Variants in NTN1 observed in about 807,000 individuals in gnomAD.
NTN1 encodes netrin-1.
NTN1 carries 11 observed loss-of-function variants against 54.2 expected under a neutral mutation model. That is an observed-to-expected ratio of 0.20 (90% CI 0.13 to 0.34). The LOEUF is 0.34. Among genes scored for constraint, NTN1 ranks in the 10% least tolerant of loss-of-function variants. The pLI, the probability that NTN1 is intolerant of heterozygous loss-of-function variation, is 1.00. For missense variants in NTN1, 740 were observed against 893.1 expected (o/e 0.83, Z 2.18); for synonymous variants, 371 against 382.0 (o/e 0.97, Z 0.33).
At chr17:9,229,318 A>G (rs1186219167) in intron 6 of NTN1, among the ~76,000 whole-genome samples, 5 of 152,146 alleles carry the variant, frequency 3.3e-5, no homozygotes, top group Non-Finnish European at 7.4e-5. Context: ...CCAGCCAACA[A>G]CTATTCCCTC....
In NTN1 at chr17:9,179,799, C is replaced by A. The variant is rs770735237; in HGVS notation, c.1208-8C>A. On this transcript the variant is annotated splice_polypyrimidine_tract_variant and splice_region_variant and intron_variant, in intron 3 of 6. Coordinates refer to ENST00000173229, the MANE Select transcript of NTN1 (RefSeq NM_004822.3). ...TTGTCTGACCCTCCCATTTTGTGTT[C>A]TCTGCAGCCTGTGATTGCCACCCTG... 7 of 1,612,728 alleles carry A rather than the reference C, an allele frequency of 4.3e-6. No homozygotes were observed. Among genetic ancestry groups the A allele is most frequent in the Non-Finnish European group, 2.5e-6 (3 of 1,179,340 alleles).
intron 6 of NTN1, among the ~76,000 whole-genome samples, chr17:9,236,419 A>C (rs1276007328): frequency 6.6e-6 from 1 of 152,188 alleles, no homozygotes; most frequent in Non-Finnish European, 1.5e-5. Flanking sequence ...GTTTGAGGTC[A>C]CTGTTGCAAT....
At chr17:9,208,093 G>A (rs1191082512) in intron 5 of NTN1, among the ~76,000 whole-genome samples, 4 of 152,162 alleles carry the variant, frequency 2.6e-5, no homozygotes, top group African/African-American at 9.6e-5. Context: ...TTAGCCAGGC[G>A]TAGTGGTGTG....
At chr17:9,167,338 C>T (rs571359343) in intron 3 of NTN1, among the ~76,000 whole-genome samples, 5 of 152,230 alleles carry the variant, frequency 3.3e-5, no homozygotes, top group South Asian at 4.1e-4. Context: ...CGACCAAAGA[C>T]GACGTTGCTA....
intron 5 of NTN1, among the ~76,000 whole-genome samples, chr17:9,205,724 A>G (rs1232334259): frequency 6.6e-6 from 1 of 152,222 alleles, no homozygotes; most frequent in African/African-American, 2.4e-5. Flanking sequence ...GTATGGAAAG[A>G]GACCCCTCTG....
chr17:9,193,748 C>A (rs1240028888), intron 5 of NTN1, among the ~76,000 whole-genome samples: 2 of 150,934 alleles, frequency 1.3e-5, no homozygotes, highest in African/African-American at 4.9e-5. Context: ...CATGGAGAAA[C>A]CCCGTCTCTA....
intron 6 of NTN1, among the ~76,000 whole-genome samples, chr17:9,227,105 C>T (rs1238082001): frequency 1.3e-5 from 2 of 150,792 alleles, no homozygotes; most frequent in Non-Finnish European, 2.9e-5. Flanking sequence ...TCCATCCTCA[C>T]CTCCTCCTGT....
intron 6 of NTN1, among the ~76,000 whole-genome samples, chr17:9,224,926 C>A (rs986953966): frequency 6.6e-6 from 1 of 152,186 alleles, no homozygotes; most frequent in Admixed American, 6.5e-5. Context: ...CTGACACTCT[C>A]CCTGTGATTC....
chr17:9,201,042 A>G (rs777753672), intron 5 of NTN1, among the ~76,000 whole-genome samples: 9 of 152,164 alleles, frequency 5.9e-5, no homozygotes, highest in Non-Finnish European at 1.2e-4. Context: ...GGCAGATAAT[A>G]GAGGACGATA....
At position 9,193,100 on chromosome 17, in the gene NTN1, A is replaced by G. The variant is rs199917594; in HGVS notation, c.1411+10131A>G. On this transcript the variant is annotated intron_variant, in intron 5 of 6. Coordinates refer to ENST00000173229, the MANE Select transcript of NTN1 (RefSeq NM_004822.3). Reference sequence around the variant, plus strand: ...GTCTCAAAAAAAAAAAAAAAAGAAAAAGAAAAAAAAGCCGTTTCCTCAAGT... The same window carrying G: ...GTCTCAAAAAAAAAAAAAAAAGAAAGAGAAAAAAAAGCCGTTTCCTCAAGT... 1.9e-4 allele frequency among the ~76,000 whole-genome samples: 19 copies of G among 98,676 alleles called. No homozygotes were observed. The East Asian group carries it at 2.2e-3, about 12-fold the overall frequency. 64.7% of individuals were successfully genotyped at this position (98,676 alleles called of 152,430 possible).
intron 2 of NTN1, among the ~76,000 whole-genome samples, chr17:9,149,593 T>C (rs2092322001): frequency 6.6e-6 from 1 of 152,142 alleles, no homozygotes; most frequent in South Asian, 2.1e-4. Flanking sequence ...CTTGGGACCT[T>C]GTTCTTCTCA....
intron 4 of NTN1, among the ~76,000 whole-genome samples, chr17:9,180,970 G>A (rs980136001): frequency 2.0e-5 from 3 of 152,152 alleles, no homozygotes; most frequent in East Asian, 1.9e-4. Context: ...TCTGGGGTTC[G>A]GAAAACATGG....
In NTN1 at chr17:9,221,895, C is replaced by A. The variant is rs1905369521; in HGVS notation, c.1486+653C>A. On this transcript the variant is annotated intron_variant, in intron 6 of 6. Transcript: ENST00000173229. This position sits in a 1 kb window ranked among gnomAD's most constrained non-coding sequence, Gnocchi z 4.5. ...GTGGAGAGTGGAGATGGTCTGGGAG[C>A]CTGCAGGAGGAGGGCCCCGCAGTGG... Among the ~76,000 whole-genome samples the A allele has an allele frequency of 1.3e-5, 2 of 152,136 alleles. No individual in the cohort carries two copies. Among genetic ancestry groups the A allele is most frequent in the East Asian group, 1.9e-4 (1 of 5,168 alleles).
intron 5 of NTN1, among the ~76,000 whole-genome samples, chr17:9,184,659 G>A (rs552120902): frequency 3.9e-5 from 6 of 152,240 alleles, no homozygotes; most frequent in African/African-American, 7.2e-5. Flanking sequence ...CTCCATCTCC[G>A]TCTTTGTCTC....
At chr17:9,220,812 G>A (rs1350549072) in intron 5 of NTN1, among the ~76,000 whole-genome samples, 3 of 151,988 alleles carry the variant, frequency 2.0e-5, no homozygotes, top group African/African-American at 4.8e-5. Flanking sequence ...GGCCTCTATC[G>A]GCTTTAATCA....
At chr17:9,056,744 T>C in intron 2 of NTN1, among the ~76,000 whole-genome samples, 2 of 152,122 alleles carry the variant, frequency 1.3e-5, no homozygotes, top group East Asian at 3.9e-4. Flanking sequence ...CCCTGGAGTG[T>C]GATGGCCTGG....
chr17:9,004,609 G>T, the NTN1 span, among the ~76,000 whole-genome samples: 1 of 152,196 alleles, frequency 6.6e-6, no homozygotes, highest in Non-Finnish European at 1.5e-5. Context: ...CGCTCCCGCC[G>T]CAGCCCTAAT....
At chr17:9,161,126 G>A (rs571295792) in intron 2 of NTN1, among the ~76,000 whole-genome samples, 1 of 152,340 alleles carries the variant, frequency 6.6e-6, no homozygotes, top group Admixed American at 6.5e-5. Context: ...GCAGGTGACA[G>A]GCAATCCTGA....
intron 6 of NTN1, among the ~76,000 whole-genome samples, chr17:9,237,096 C>G (rs1452005063): frequency 6.6e-6 from 1 of 152,238 alleles, no homozygotes; most frequent in Non-Finnish European, 1.5e-5. Context: ...CCAAAATCTT[C>G]AAGATGAATT....
Sources: gnomAD v4.1 joint callset for allele counts (sites outside exome capture counted in the v4.1 genomes callset) on GRCh38, gnomAD v4.1.1 for gene constraint, Gnocchi (gnomAD v3.1) non-coding constraint, MANE v1.5 for transcripts, NCBI Gene and HGNC (gene_info 2026-07-23, HGNC 2026-07-21) for gene names.